Variants in CSGALNACT1 observed in about 807,000 individuals in gnomAD.
CSGALNACT1 encodes beta4GalNAcT-1.
A neutral mutation model predicts 51.0 loss-of-function variants in CSGALNACT1; 52 were observed. The observed-to-expected ratio is 1.02, with a 90% CI of 0.82 to 1.29. CSGALNACT1 has a LOEUF of 1.29. Among genes scored for constraint, CSGALNACT1 ranks in the 50% most tolerant of loss-of-function variants. The pLI is 0.00. For synonymous variants in CSGALNACT1, 341 were observed against 254.4 expected, an observed-to-expected ratio of 1.34 and a Z score of -3.24; for missense variants, 935 against 679.2, an observed-to-expected ratio of 1.38 and a Z score of -4.19.
chr8:19,440,691 C>A (rs983316253), intron 5 of CSGALNACT1, among the ~76,000 whole-genome samples: 1 of 151,802 alleles, frequency 6.6e-6, no homozygotes, highest in South Asian at 2.1e-4. Context: ...CACTCCTATT[C>A]AACATAGTGT....
intron 4 of CSGALNACT1, among the ~76,000 whole-genome samples, chr8:19,497,684 G>C (rs2075724399): frequency 6.6e-6 from 1 of 152,104 alleles, no homozygotes; most frequent in Non-Finnish European, 1.5e-5. Flanking sequence ...TAAAAATCCT[G>C]GATCATTCTG....
At chr8:19,623,845 T>C (rs1215369040) in intron 1 of CSGALNACT1, among the ~76,000 whole-genome samples, 2 of 152,236 alleles carry the variant, frequency 1.3e-5, no homozygotes, top group African/African-American at 4.8e-5. Flanking sequence ...GAAATAATGG[T>C]CCCTCTTAAT....
At chr8:19,404,547 G>A in exon 10 of CSGALNACT1, 2 of 453,352 alleles carry the variant, frequency 4.4e-6, no homozygotes, top group Non-Finnish European at 8.8e-6. Context: ...GCCTGGGGTG[G>A]ATAACATGTA....
chr8:19,476,232 GT>G (rs1246591687), intron 4 of CSGALNACT1, among the ~76,000 whole-genome samples: 2 of 151,998 alleles, frequency 1.3e-5, no homozygotes, highest in Non-Finnish European at 2.9e-5. Flanking sequence ...TACTCCCCCA[GT>G]TTTTTGTTTG....
intron 1 of CSGALNACT1, among the ~76,000 whole-genome samples, chr8:19,705,219 A>G (rs982737844): frequency 6.6e-6 from 1 of 152,180 alleles, no homozygotes; most frequent in African/African-American, 2.4e-5. Context: ...AACTTGGGGG[A>G]AAAACAAATA....
intron 5 of CSGALNACT1, among the ~76,000 whole-genome samples, chr8:19,455,149 C>T (rs1425569862): frequency 1.3e-5 from 2 of 152,146 alleles, no homozygotes; most frequent in Non-Finnish European, 2.9e-5. Context: ...ATTTATTCCT[C>T]GTGCTGTTCT....
At chr8:19,657,348 C>T (rs929879686) in intron 1 of CSGALNACT1, among the ~76,000 whole-genome samples, 3 of 149,156 alleles carry the variant, frequency 2.0e-5, no homozygotes, top group Non-Finnish European at 3.0e-5. Context: ...CAGATCCAAT[C>T]GAATTTCTAT....
intron 2 of CSGALNACT1, among the ~76,000 whole-genome samples, chr8:19,596,290 T>A (rs143209659): frequency 1.3e-5 from 2 of 152,126 alleles, no homozygotes; most frequent in East Asian, 3.8e-4. Context: ...CAGTGTGATA[T>A]TGACAGTTTT....
At chr8:19,715,446 A>G (rs752196427) in intron 1 of CSGALNACT1, among the ~76,000 whole-genome samples, 10 of 152,214 alleles carry the variant, frequency 6.6e-5, no homozygotes, top group Admixed American at 1.3e-4. Flanking sequence ...ATGTTGCTGC[A>G]AAGGACATGA....
intron 1 of CSGALNACT1, among the ~76,000 whole-genome samples, chr8:19,633,657 G>A (rs2055602789): frequency 6.6e-6 from 1 of 152,170 alleles, no homozygotes; most frequent in African/African-American, 2.4e-5. Flanking sequence ...GGTTTTAACA[G>A]GGAGAATTGC....
intron 3 of CSGALNACT1, among the ~76,000 whole-genome samples, chr8:19,576,471 G>A (rs1440145704): frequency 6.6e-6 from 1 of 151,940 alleles, no homozygotes; most frequent in Admixed American, 6.6e-5. Context: ...AGGATTACAA[G>A]CTTGAGCCAT....
At chr8:19,713,210 G>A (rs2062611546) in intron 1 of CSGALNACT1, among the ~76,000 whole-genome samples, 1 of 152,134 alleles carries the variant, frequency 6.6e-6, no homozygotes, top group South Asian at 2.1e-4. Flanking sequence ...TCCACTCTCA[G>A]GATGGTGAGC....
chr8:19,404,453 G>A, exon 10 of CSGALNACT1: 2 of 452,846 alleles, frequency 4.4e-6, no homozygotes, highest in Non-Finnish European at 8.8e-6. Context: ...AGTTTGAAAT[G>A]GTAATAAAAT....
chr8:19,466,433 C>A (rs1001986415), intron 4 of CSGALNACT1, among the ~76,000 whole-genome samples: 1 of 152,142 alleles, frequency 6.6e-6, no homozygotes, highest in Non-Finnish European at 1.5e-5. Context: ...ACGCTTTGCA[C>A]CATAAACACA....
At chr8:19,699,314 G>A (rs374151696) in intron 1 of CSGALNACT1, among the ~76,000 whole-genome samples, 1 of 152,218 alleles carries the variant, frequency 6.6e-6, no homozygotes, top group African/African-American at 2.4e-5. Context: ...TTGAAAGCAG[G>A]ATCTCAAAGA....
chr8:19,678,879 A>C (rs2060388415), intron 1 of CSGALNACT1: 1 of 152,188 alleles, frequency 6.6e-6, no homozygotes. Flanking sequence ...TAATGACAGT[A>C]ACTACAACAA....
intron 1 of CSGALNACT1, among the ~76,000 whole-genome samples, chr8:19,651,569 T>A (rs1275748607): frequency 2.0e-5 from 3 of 152,222 alleles, no homozygotes; most frequent in African/African-American, 4.8e-5. Context: ...TCCAGCTCCA[T>A]ACTTGTTGCT....
At position 19,493,628 on chromosome 8, in the gene CSGALNACT1, T is replaced by G. The variant is rs575322029; in HGVS notation, c.634+11573A>C. Among the ~76,000 whole-genome samples, 4 of 152,328 alleles carry G rather than the reference T, an allele frequency of 2.6e-5. No individual in the cohort carries two copies. In the East Asian group the frequency reaches 7.7e-4, roughly 29 times the overall value. On this transcript the variant is annotated intron_variant, in intron 4 of 9. Transcript: ENST00000454498. ...TTGACATCTGGTTTTTAACTTGATGTAATTTTCTCAAGGACCATTTATGCT... is the reference window on the plus strand; with the variant it reads ...TTGACATCTGGTTTTTAACTTGATGGAATTTTCTCAAGGACCATTTATGCT...
intron 6 of CSGALNACT1, among the ~76,000 whole-genome samples, chr8:19,424,160 C>A (rs1170450527): frequency 6.6e-6 from 1 of 152,140 alleles, no homozygotes; most frequent in Non-Finnish European, 1.5e-5. Context: ...GATGAGAGAG[C>A]TGAACATGAG....
Sources: allele counts gnomAD v4.1 joint callset (sites outside exome capture counted in the v4.1 genomes callset), GRCh38; gene constraint gnomAD v4.1.1; transcripts MANE v1.5; gene names NCBI Gene and HGNC (gene_info 2026-07-23, HGNC 2026-07-21).